UBB: variants seen among roughly 807,000 people sequenced by gnomAD.
The protein encoded by UBB is ubiquitin B.
A neutral mutation model predicts 12.5 loss-of-function variants in UBB; 11 were observed. The ratio of observed to expected loss-of-function variants is 0.88; its 90% CI spans 0.55 to 1.45. The LOEUF (loss-of-function observed/expected upper bound fraction) is 1.45. Among genes scored for constraint, UBB ranks in the 40% most tolerant of loss-of-function variants. UBB has a pLI of 0.00. For missense variants in UBB, 76 were observed against 286.9 expected (o/e 0.26, Z 5.31); for synonymous variants, 168 against 120.1 (o/e 1.40, Z -2.61).
rs2093276831 is a variant in UBB at position 16,381,883 on chromosome 17, T to C, written c.-6-19T>C. On this transcript the variant is annotated intron_variant, in intron 1 of 1. Transcript: ENST00000302182. ...CAATGATCCTGAGGTGACACGCTTA[T>C]GTTTTACTTTTAAACTAGGTCAAAA... 2.5e-6 allele frequency: 4 copies of C among 1,613,158 alleles called. No homozygotes were observed. Among genetic ancestry groups the C allele is most frequent in the South Asian group, 1.1e-5 (1 of 91,028 alleles).
chr17:16,382,745 A>G, downstream of UBB: 6 of 1,156,922 alleles, frequency 5.2e-6, no homozygotes, highest in Non-Finnish European at 7.2e-6. Context: ...ATGGTAGCAT[A>G]CTTGGTGTTT....
upstream of UBB, chr17:16,381,039 G>A (rs183495565): frequency 6.5e-6 from 1 of 153,556 alleles, no homozygotes; most frequent in African/African-American, 2.4e-5. Flanking sequence ...CGTGAGGGGT[G>A]ATAAGTGACG....
rs201208945 is a variant in UBB, at chr17:16,382,522, C to T, written c.615C>T (p.Gly205=). Reference sequence around the variant, plus strand: ...TTGCAGGCAAGCAGCTGGAAGATGGCCGCACTCTTTCTGACTACAACATCC... The same window carrying T: ...TTGCAGGCAAGCAGCTGGAAGATGGTCGCACTCTTTCTGACTACAACATCC... ...LIFAGKQLED[G]RTLSDYNIQK... The change falls in exon 2 of 2, where the codon GGC becomes GGT. Residue 205 remains glycine (G), a synonymous_variant. Transcript: ENST00000302182. The T allele has an allele frequency of 7.4e-6, 12 of 1,613,516 alleles. No homozygotes were observed. The highest frequency in any genetic ancestry group is 1.0e-5 in the Non-Finnish European group (12 of 1,179,874).
In UBB at chr17:16,382,204, C is replaced by T. The variant is rs750134477; in HGVS notation, c.297C>T (p.Ile99=). The part of the protein sequence containing the change: ...ITLEVEPSDT[I]ENVKAKIQDK... ...TGGAAGTGGAGCCCAGTGACACCAT[C>T]GAAAATGTGAAGGCCAAGATCCAGG... The change falls in exon 2 of 2, where the codon ATC becomes ATT. Residue 99 remains isoleucine, a synonymous_variant. Coordinates refer to ENST00000302182, the MANE Select transcript of UBB (RefSeq NM_018955.4). 3.7e-5 allele frequency: 59 copies of T among 1,611,130 alleles called. No homozygotes were observed. In the South Asian group the frequency reaches 5.4e-4, roughly 15 times the overall value.
chr17:16,381,813 A>G, intron 1 of UBB, 89 bp from the exon 2 acceptor site: 1 of 1,458,154 alleles, frequency 6.9e-7, no homozygotes, highest in Non-Finnish European at 9.2e-7. Context: ...TTTTGAAGGA[A>G]TAGTTGCTAA....
intron 1 of UBB, chr17:16,381,587 C>T (rs1447484995): frequency 2.0e-5 from 8 of 405,874 alleles, no homozygotes; most frequent in Non-Finnish European, 3.7e-5. Context: ...TTTCAGTTTG[C>T]CTAACACCGT....
At chr17:16,381,608 G>A in intron 1 of UBB, 1 of 457,480 alleles carries the variant, frequency 2.2e-6, no homozygotes, top group African/African-American at 2.0e-5. Context: ...GCTTAGGTTT[G>A]AGGCAGATTG....
Position 16,382,557 on chromosome 17 carries a change from C to T in UBB, c.650C>T (p.Ser217Leu), listed in dbSNP as rs1167091586. 1 of 1,613,944 alleles carries T rather than the reference C, an allele frequency of 6.2e-7. No individual in the cohort carries two copies. Among genetic ancestry groups the T allele is most frequent in the African/African-American group, 1.3e-5 (1 of 75,056 alleles). The change falls in exon 2 of 2, where the codon TCG becomes TTG. Residue 217 changes from serine (S) to leucine (L), a missense_variant. By Grantham distance (145) the Ser-to-Leu change is moderately radical. Transcript: ENST00000302182. ...TLSDYNIQKE[S>L]TLHLVLRLRG... ...TCTGACTACAACATCCAGAAAGAGTCGACCCTGCACCTGGTCCTGCGCCTG... is the reference window on the plus strand; with the variant it reads ...TCTGACTACAACATCCAGAAAGAGTTGACCCTGCACCTGGTCCTGCGCCTG...
chr17:16,381,171 G>C lies in UBB; in HGVS notation c.-20G>C, dbSNP rs2093273594. The C allele has an allele frequency of 6.6e-6, 1 of 151,066 alleles. No individual in the cohort carries two copies. Among genetic ancestry groups the C allele is most frequent in the East Asian group, 2.0e-4 (1 of 5,072 alleles). The allele number at this position is 151,066 out of a possible 1,614,324, so 9.4% of individuals were successfully genotyped here. ...GTGGTTGGTGATTGGCAGGATCCTGGTATCCGCTAACAGGTACTGGCCCGC... is the reference window on the plus strand; with the variant it reads ...GTGGTTGGTGATTGGCAGGATCCTGCTATCCGCTAACAGGTACTGGCCCGC... On this transcript the variant is annotated 5_prime_UTR_variant, in exon 1 of 2. Transcript: ENST00000302182.
At chr17:16,381,618 G>T in intron 1 of UBB, 1 of 476,530 alleles carries the variant, frequency 2.1e-6, no homozygotes, top group Non-Finnish European at 3.8e-6. Flanking sequence ...GAGGCAGATT[G>T]GAGTTCGGTC....
At position 16,382,486 on chromosome 17, in the gene UBB, G is replaced by A. The variant is rs376813261; in HGVS notation, c.579G>A (p.Gln193=). 3.1e-6 allele frequency: 5 copies of A among 1,612,614 alleles called. No individual in the cohort carries two copies. The highest frequency in any genetic ancestry group is 1.1e-5 in the South Asian group (1 of 91,030). Reference sequence around the variant, plus strand: ...AAGAAGGCATCCCCCCCGACCAGCAGAGGCTCATCTTTGCAGGCAAGCAGC... The same window carrying A: ...AAGAAGGCATCCCCCCCGACCAGCAAAGGCTCATCTTTGCAGGCAAGCAGC... ...QDKEGIPPDQ[Q]RLIFAGKQLE... is the part of the protein sequence containing the mutation. Residue 193 remains glutamine, a synonymous_variant, in exon 2 of 2, where the codon CAG becomes CAA. Coordinates refer to ENST00000302182, the MANE Select transcript of UBB (RefSeq NM_018955.4).
chr17:16,381,866 C>G, intron 1 of UBB, 36 bp from the exon 2 acceptor site: 9 of 1,608,316 alleles, frequency 5.6e-6, no homozygotes, highest in Non-Finnish European at 7.7e-6. Context: ...TACAATGATC[C>G]TGAGGTGACA....
chr17:16,381,080 C>G (rs2093273018), upstream of UBB: 2 of 153,566 alleles, frequency 1.3e-5, no homozygotes, highest in South Asian at 2.1e-4. Context: ...TGCGCTCCGC[C>G]AGCCCGGAGC....
chr17:16,380,900 G>A (rs1454869163), upstream of UBB: 1 of 153,734 alleles, frequency 6.5e-6, no homozygotes, highest in East Asian at 1.9e-4. Flanking sequence ...TAGAGGAGAA[G>A]GGAAATAATT....
Position 16,381,904 on chromosome 17 carries a change from C to T in UBB, c.-4C>T, listed in dbSNP as rs777592288. 1.7e-5 allele frequency: 28 copies of T among 1,614,082 alleles called. No homozygotes were observed. The highest frequency in any genetic ancestry group is 1.9e-5 in the Non-Finnish European group (22 of 1,179,980). ...CTTATGTTTTACTTTTAAACTAGGT[C>T]AAAATGCAGATCTTCGTGAAAACCC... On this transcript the variant is annotated splice_region_variant and 5_prime_UTR_variant, in exon 2 of 2. Coordinates refer to ENST00000302182, the MANE Select transcript of UBB (RefSeq NM_018955.4).
upstream of UBB, chr17:16,380,789 C>G (rs2093272070): frequency 6.5e-6 from 1 of 153,048 alleles, no homozygotes; most frequent in Non-Finnish European, 1.5e-5. Context: ...AGTGCCGGCG[C>G]TGCAAGGAAG....
intron 1 of UBB, 142 bp from the exon 2 acceptor site, chr17:16,381,759 TA>T: frequency 2.6e-6 from 3 of 1,142,000 alleles, no homozygotes; most frequent in Non-Finnish European, 3.6e-6. Flanking sequence ...CTTAGCCTTG[TA>T]AAATTGAGGG....
In UBB at chr17:16,381,194, C is replaced by G. The variant is rs1001245226; in HGVS notation, c.-7+10C>G. On this transcript the variant is annotated intron_variant, in intron 1 of 1. Coordinates refer to ENST00000302182, the MANE Select transcript of UBB (RefSeq NM_018955.4). ...TGGTATCCGCTAACAGGTACTGGCCCGCAGCCGTAACGACCTTGGGGGGGT... is the reference window on the plus strand; with the variant it reads ...TGGTATCCGCTAACAGGTACTGGCCGGCAGCCGTAACGACCTTGGGGGGGT... The G allele has an allele frequency of 6.7e-6, 1 of 149,584 alleles. No individual in the cohort carries two copies. Among genetic ancestry groups the G allele is most frequent in the Non-Finnish European group, 1.4e-5 (1 of 69,082 alleles). 9.3% of individuals were successfully genotyped at this position (149,584 alleles called of 1,614,324 possible).
upstream of UBB, chr17:16,380,989 G>C (rs1263041451): frequency 4.6e-5 from 7 of 153,634 alleles, no homozygotes; most frequent in South Asian, 2.1e-4. Flanking sequence ...GAGGTTGGGC[G>C]CGGCGAACTA....
Sources: gnomAD v4.1 joint callset for allele counts on GRCh38, gnomAD v4.1.1 for gene constraint, MANE v1.5 for transcripts, NCBI Gene and HGNC (gene_info 2026-07-23, HGNC 2026-07-21) for gene names.